FSTL5: variants seen among roughly 807,000 people sequenced by gnomAD.
The protein encoded by FSTL5 is follistatin-related protein 5.
FSTL5 carries 62 observed loss-of-function variants against 89.1 expected under a neutral mutation model. That is an observed-to-expected ratio of 0.70 (90% CI 0.57 to 0.86). FSTL5 has a LOEUF of 0.86. FSTL5 is among the 40% of genes least tolerant of loss of function. The probability of loss-of-function intolerance (pLI) is 0.00; values close to 1 mark genes in which losing one functional copy is unlikely to be tolerated. For synonymous variants in FSTL5, 383 were observed against 346.2 expected, an observed-to-expected ratio of 1.11 and a Z score of -1.18; for missense variants, 1,057 against 1,001.6, an observed-to-expected ratio of 1.06 and a Z score of -0.75.
chr4:161,641,005 C>G (rs1735940545), intron 7 of FSTL5, among the ~76,000 whole-genome samples: 2 of 152,112 alleles, frequency 1.3e-5, no homozygotes, highest in South Asian at 4.1e-4. Context: ...CTAATATATT[C>G]AAAGTGCTAA....
At chr4:162,112,741 G>A in intron 1 of FSTL5, among the ~76,000 whole-genome samples, 1 of 148,464 alleles carries the variant, frequency 6.7e-6, no homozygotes, top group East Asian at 2.0e-4. Flanking sequence ...CCATTAAACT[G>A]ACTTTTTAGC....
At chr4:162,086,345 C>T (rs1488410460) in intron 2 of FSTL5, among the ~76,000 whole-genome samples, 1 of 151,640 alleles carries the variant, frequency 6.6e-6, no homozygotes, top group African/African-American at 2.4e-5. Context: ...TTATTTCATT[C>T]TCTTCCTCCC....
intron 8 of FSTL5, among the ~76,000 whole-genome samples, chr4:161,576,299 C>T (rs1291986552): frequency 6.6e-6 from 1 of 152,062 alleles, no homozygotes; most frequent in Admixed American, 6.6e-5. Context: ...TGACTTTCTT[C>T]ACGGAATTAG....
intron 3 of FSTL5, among the ~76,000 whole-genome samples, chr4:161,994,351 T>C (rs946677003): frequency 6.6e-6 from 1 of 151,938 alleles, no homozygotes; most frequent in Non-Finnish European, 1.5e-5. Flanking sequence ...CAATAAACAT[T>C]CATGCATGTA....
chr4:161,964,757 T>C (rs1025541693), intron 3 of FSTL5, among the ~76,000 whole-genome samples: 3 of 152,078 alleles, frequency 2.0e-5, no homozygotes, highest in Non-Finnish European at 4.4e-5. Context: ...CGCAGCATGA[T>C]AGTAGCAGAA....
intron 10 of FSTL5, among the ~76,000 whole-genome samples, chr4:161,527,769 A>C (rs1731276658): frequency 6.6e-6 from 1 of 151,606 alleles, no homozygotes; most frequent in South Asian, 2.1e-4. Flanking sequence ...TAGAAATACC[A>C]TTTGATCCAG....
chr4:162,015,080 T>G (rs144491200), intron 3 of FSTL5, among the ~76,000 whole-genome samples: 1 of 152,092 alleles, frequency 6.6e-6, no homozygotes, highest in Non-Finnish European at 1.5e-5. Context: ...CTTCTTAGAG[T>G]GATTTTACAA....
intron 14 of FSTL5, among the ~76,000 whole-genome samples, chr4:161,457,829 G>A (rs1193651471): frequency 1.3e-5 from 2 of 152,090 alleles, no homozygotes; most frequent in African/African-American, 4.8e-5. Flanking sequence ...ACCATATTGT[G>A]ATAGATGATT....
At chr4:161,418,528 C>A (rs1731867712) in intron 15 of FSTL5, among the ~76,000 whole-genome samples, 1 of 152,156 alleles carries the variant, frequency 6.6e-6, no homozygotes, top group African/African-American at 2.4e-5. Context: ...ACAGTGATCA[C>A]TCACTAATTC....
chr4:162,160,335 T>A (rs1733646500), intron 1 of FSTL5, among the ~76,000 whole-genome samples: 1 of 151,966 alleles, frequency 6.6e-6, no homozygotes, highest in African/African-American at 2.4e-5. Context: ...ACCAATTTAA[T>A]TGGAAAATTA....
rs2126637109 is a variant in FSTL5, at chr4:161,612,897, T to C, written c.895-25322A>G. 1.3e-5 allele frequency among the ~76,000 whole-genome samples: 2 copies of C among 152,176 alleles called. 1 individual carries two copies. Among genetic ancestry groups the C allele is most frequent in the South Asian group, 4.2e-4 (2 of 4,808 alleles). ...TGATTTAATTTGCATAAAATACAAA[T>C]GTGTCTGTGAATGTAAATGTAATAC... On this transcript the variant is annotated intron_variant, in intron 7 of 15. Transcript: ENST00000306100.
intron 4 of FSTL5, among the ~76,000 whole-genome samples, chr4:161,847,294 ACTT>A (rs1402506374): frequency 3.9e-5 from 6 of 152,198 alleles, no homozygotes; most frequent in African/African-American, 1.4e-4. Context: ...ACACTAAATA[ACTT>A]TTGTTGAGTG....
At chr4:162,111,498 A>G (rs1731442423) in intron 1 of FSTL5, 86 bp from the exon 2 acceptor site, 2 of 1,067,540 alleles carry the variant, frequency 1.9e-6, no homozygotes, top group Non-Finnish European at 2.7e-6. Context: ...TATCACATAT[A>G]AATCTCCATT....
At chr4:161,706,912 T>C (rs1269304533) in intron 6 of FSTL5, among the ~76,000 whole-genome samples, 2 of 151,974 alleles carry the variant, frequency 1.3e-5, no homozygotes, top group African/African-American at 4.8e-5. Flanking sequence ...ATAACCCAAC[T>C]AATAGGACAA....
At chr4:161,607,212 T>C (rs955390382) in intron 7 of FSTL5, among the ~76,000 whole-genome samples, 1 of 152,156 alleles carries the variant, frequency 6.6e-6, no homozygotes, top group East Asian at 1.9e-4. Context: ...TCTCCATTAT[T>C]ATGAAAATGT....
intron 6 of FSTL5, among the ~76,000 whole-genome samples, chr4:161,669,559 A>T (rs934885126): frequency 2.0e-5 from 3 of 152,202 alleles, no homozygotes; most frequent in Non-Finnish European, 4.4e-5. Flanking sequence ...AATTTTAAAC[A>T]AATTGTTCTG....
intron 4 of FSTL5, among the ~76,000 whole-genome samples, chr4:161,898,342 C>A (rs1733237033): frequency 6.6e-6 from 1 of 151,572 alleles, no homozygotes; most frequent in African/African-American, 2.4e-5. Flanking sequence ...TTGAATAAAA[C>A]TGCTATAAAC....
At chr4:161,939,669 A>G (rs889987119) in intron 3 of FSTL5, among the ~76,000 whole-genome samples, 1 of 151,998 alleles carries the variant, frequency 6.6e-6, no homozygotes, top group Admixed American at 6.6e-5. Context: ...TCTTATTACC[A>G]ATTCAGACAA....
chr4:161,593,128 T>C lies in FSTL5; in HGVS notation c.895-5553A>G, dbSNP rs114606379. Among the ~76,000 whole-genome samples the C allele has an allele frequency of 6.0e-3, 916 of 152,298 alleles. 5 individuals are homozygous for C. The highest frequency in any genetic ancestry group is 0.02 in the African/African-American group (849 of 41,560). ...GTGTTGCTCAGTTCTTAATTTTATA[T>C]ACAATATTTATCAATAAAAAGCAAG... is the stretch of plus-strand genomic sequence containing the variant. On this transcript the variant is annotated intron_variant, in intron 7 of 15. Coordinates refer to ENST00000306100, the MANE Select transcript of FSTL5 (RefSeq NM_020116.5).
Sources: gnomAD v4.1 joint callset for allele counts (sites outside exome capture counted in the v4.1 genomes callset) on GRCh38, gnomAD v4.1.1 for gene constraint, MANE v1.5 for transcripts, NCBI Gene and HGNC (gene_info 2026-07-23, HGNC 2026-07-21) for gene names.